APBB2: variants seen among roughly 807,000 people sequenced by gnomAD.
The protein encoded by APBB2 is Fe65-like 1.
APBB2 carries 38 observed loss-of-function variants against 82.5 expected under a neutral mutation model. That is an observed-to-expected ratio of 0.46 (90% confidence interval 0.36 to 0.60). APBB2 has a LOEUF of 0.60. Among genes scored for constraint, APBB2 ranks in the 20% least tolerant of loss-of-function variants. The probability of loss-of-function intolerance (pLI) is 0.00; values close to 1 mark genes in which losing one functional copy is unlikely to be tolerated. For missense variants in APBB2, 772 were observed against 972.3 expected, an observed-to-expected ratio of 0.79 and a Z score of 2.74; for synonymous variants, 341 against 368.2, an observed-to-expected ratio of 0.93 and a Z score of 0.85.
chr4:41,059,326 T>C (rs1051668577), intron 4 of APBB2, among the ~76,000 whole-genome samples: 6 of 152,254 alleles, frequency 3.9e-5, no homozygotes, highest in Admixed American at 3.9e-4. Flanking sequence ...CCAGGCATGG[T>C]GGCAGGCGCC....
chr4:41,147,828 A>G (rs1399351255), intron 1 of APBB2, among the ~76,000 whole-genome samples: 2 of 152,088 alleles, frequency 1.3e-5, no homozygotes, highest in Non-Finnish European at 2.9e-5. Context: ...AATTCAACAC[A>G]GCTGAAATTT....
At chr4:40,971,748 T>C (rs1795978193) in intron 6 of APBB2, among the ~76,000 whole-genome samples, 1 of 152,230 alleles carries the variant, frequency 6.6e-6, no homozygotes, top group East Asian at 1.9e-4. Flanking sequence ...TCCCCTTCTT[T>C]TGACACCTTT....
At chr4:41,200,310 A>C (rs1312583110) in intron 1 of APBB2, among the ~76,000 whole-genome samples, 1 of 152,260 alleles carries the variant, frequency 6.6e-6, no homozygotes, top group African/African-American at 2.4e-5. Context: ...ACTGAAATAG[A>C]AGAGGAAGTA....
At chr4:41,063,950 A>ATTTTTTTTT (rs11422110) in intron 4 of APBB2, among the ~76,000 whole-genome samples, 2 of 91,794 alleles carry the variant, frequency 2.2e-5, no homozygotes, top group Non-Finnish European at 3.9e-5. Context: ...AAATGCTGGG[A>ATTTTTTTTT]TTTTTTTTTT....
At chr4:40,882,428 T>G (rs1031773336) in intron 12 of APBB2, among the ~76,000 whole-genome samples, 2 of 152,208 alleles carry the variant, frequency 1.3e-5, no homozygotes, top group East Asian at 3.8e-4. Flanking sequence ...AGGGCTTGCC[T>G]GCTAGCTGTG....
At chr4:41,013,509 A>C in intron 6 of APBB2, 74 bp downstream of exon 6, 2 of 1,407,110 alleles carry the variant, frequency 1.4e-6, no homozygotes, top group Non-Finnish European at 9.8e-7. Flanking sequence ...TGGTCAGTCT[A>C]GAGATTTACT....
rs200434681 is a variant in APBB2 at position 40,960,081 on chromosome 4, G to C, written c.836-15008C>G. ...AAAATCAGTAGAACGGAGGTAAATTGTTCAGCCTGTCAGAGTGGTTAATGG... is the reference window on the plus strand; with the variant it reads ...AAAATCAGTAGAACGGAGGTAAATTCTTCAGCCTGTCAGAGTGGTTAATGG... On this transcript the variant is annotated intron_variant, in intron 6 of 17. Transcript: ENST00000508593. 1.3e-4 allele frequency among the ~76,000 whole-genome samples: 20 copies of C among 152,236 alleles called. No homozygotes were observed. In the East Asian group the frequency reaches 3.5e-3, roughly 26 times the overall value.
At chr4:40,888,536 G>A (rs1053805558) in intron 12 of APBB2, among the ~76,000 whole-genome samples, 2 of 151,232 alleles carry the variant, frequency 1.3e-5, no homozygotes, top group Admixed American at 6.6e-5. Context: ...AATGTCACAA[G>A]CTCCACACTT....
intron 1 of APBB2, among the ~76,000 whole-genome samples, chr4:41,197,238 T>C: frequency 1.3e-5 from 2 of 152,178 alleles, no homozygotes; most frequent in African/African-American, 4.8e-5. Flanking sequence ...TTAATACCAG[T>C]GTTCAAATGG....
At chr4:40,930,452 CGCGCGCGCGCGCGCGT>C (rs1309340760) in intron 10 of APBB2, among the ~76,000 whole-genome samples, 19 of 68,512 alleles carry the variant, frequency 2.8e-4, no homozygotes, top group Admixed American at 1.9e-3. Context: ...TGTGTGTGCG[CGCGCGCGCGCGCGCGT>C]GCGCGTGCGC....
intron 1 of APBB2, among the ~76,000 whole-genome samples, chr4:41,198,736 T>C (rs534140252): frequency 6.6e-6 from 1 of 152,332 alleles, no homozygotes; most frequent in East Asian, 1.9e-4. Context: ...GCTAGAAGTC[T>C]GAAATCAAGG....
intron 10 of APBB2, among the ~76,000 whole-genome samples, chr4:40,900,063 T>A (rs1403349304): frequency 6.6e-6 from 1 of 152,182 alleles, no homozygotes; most frequent in Non-Finnish European, 1.5e-5. Flanking sequence ...CCAGAACATA[T>A]AACAACGTTA....
At chr4:40,839,553 C>T (rs1315648131) in intron 12 of APBB2, among the ~76,000 whole-genome samples, 1 of 152,006 alleles carries the variant, frequency 6.6e-6, no homozygotes, top group African/African-American at 2.4e-5. Flanking sequence ...TGAAGGCTGG[C>T]ACATGATAGG....
chr4:40,833,772 C>A (rs1325859535), intron 12 of APBB2, among the ~76,000 whole-genome samples: 3 of 152,164 alleles, frequency 2.0e-5, no homozygotes, highest in African/African-American at 7.2e-5. Flanking sequence ...CTCCCCGGCT[C>A]TGACATTCTC....
At chr4:41,151,057 C>T (rs902069284) in intron 1 of APBB2, among the ~76,000 whole-genome samples, 1 of 152,120 alleles carries the variant, frequency 6.6e-6, no homozygotes, top group Non-Finnish European at 1.5e-5. Context: ...CTTCTGTGCC[C>T]CTAACATTCT....
chr4:41,032,842 T>A (rs1420138347), intron 5 of APBB2, among the ~76,000 whole-genome samples: 81 of 126,218 alleles, frequency 6.4e-4, no homozygotes, highest in Non-Finnish European at 1.1e-3. Context: ...TGGAGTGCAG[T>A]GGCGCGATCT....
At chr4:40,936,949 T>C (rs1162480434) in intron 7 of APBB2, among the ~76,000 whole-genome samples, 2 of 152,208 alleles carry the variant, frequency 1.3e-5, no homozygotes, top group Non-Finnish European at 1.5e-5. Flanking sequence ...TTTTCTCATA[T>C]TTCCAGATGG....
chr4:40,975,789 C>CACACACAA (rs1441223479), intron 6 of APBB2, among the ~76,000 whole-genome samples: 2 of 147,710 alleles, frequency 1.4e-5, no homozygotes. Context: ...CACACACACA[C>CACACACAA]AACAACCACT....
At chr4:41,213,192 A>G (rs1227278287) in intron 1 of APBB2, among the ~76,000 whole-genome samples, 1 of 152,146 alleles carries the variant, frequency 6.6e-6, no homozygotes, top group East Asian at 1.9e-4. Flanking sequence ...CAAATGATAA[A>G]CCCATGCCAA....
Sources: allele counts gnomAD v4.1 joint callset (sites outside exome capture counted in the v4.1 genomes callset), GRCh38; gene constraint gnomAD v4.1.1; transcripts MANE v1.5; gene names NCBI Gene and HGNC (gene_info 2026-07-23, HGNC 2026-07-21).